RBM47: variants seen among roughly 807,000 people sequenced by gnomAD.
The protein encoded by RBM47 is RNA binding motif protein 47, also known as RNA-binding protein 47.
In RBM47, 21 loss-of-function variants were observed where a neutral mutation model predicts 47.1. The ratio of observed to expected loss-of-function variants is 0.45; its 90% CI spans 0.32 to 0.64. RBM47 has a LOEUF of 0.64. Among genes scored for constraint, RBM47 ranks in the 30% least tolerant of loss-of-function variants. The pLI, the probability that RBM47 is intolerant of heterozygous loss-of-function variation, is 0.05. For missense variants in RBM47, 708 were observed against 870.9 expected (o/e 0.81, Z 2.35); for synonymous variants, 375 against 361.7 (o/e 1.04, Z -0.42).
intron 2 of RBM47, among the ~76,000 whole-genome samples, chr4:40,532,637 CCTTTTTTTTTT>C (rs1313128474): frequency 6.8e-6 from 1 of 147,614 alleles, no homozygotes; most frequent in Non-Finnish European, 1.5e-5. Flanking sequence ...TATTCTTTTT[CCTTTTTTTTTT>C]CTTTTTAAAT....
At chr4:40,569,528 G>C (rs1011772218) in intron 1 of RBM47, among the ~76,000 whole-genome samples, 1 of 150,740 alleles carries the variant, frequency 6.6e-6, no homozygotes, top group African/African-American at 2.4e-5. Flanking sequence ...TCCTGCCTCA[G>C]CCTCCCGAGT....
At chr4:40,559,786 G>C (rs1009851313) in intron 1 of RBM47, among the ~76,000 whole-genome samples, 1 of 152,102 alleles carries the variant, frequency 6.6e-6, no homozygotes, top group Non-Finnish European at 1.5e-5. Flanking sequence ...ACTTGTTCCT[G>C]ATTTCTCAAC....
intron 2 of RBM47, among the ~76,000 whole-genome samples, chr4:40,529,695 G>A (rs1389253377): frequency 6.8e-6 from 1 of 146,262 alleles, no homozygotes; most frequent in Non-Finnish European, 1.5e-5. Flanking sequence ...CAGGTGTGGT[G>A]GCACACACCT....
chr4:40,441,304 G>A (rs1375967941), intron 3 of RBM47, among the ~76,000 whole-genome samples: 1 of 149,896 alleles, frequency 6.7e-6, no homozygotes, highest in Non-Finnish European at 1.5e-5. Context: ...TTAAAATAGA[G>A]ATAGAGTCTC....
Position 40,594,155 on chromosome 4 carries a change from G to A in RBM47, c.-240+35241C>T, listed in dbSNP as rs142271363. Among the ~76,000 whole-genome samples, 345 of 151,520 alleles carry A rather than the reference G, an allele frequency of 2.3e-3. 2 individuals carry two copies. Among genetic ancestry groups the A allele is most frequent in the African/African-American group, 7.5e-3 (310 of 41,234 alleles). ...CCACTTCAAATATGAAAATCTCCAC[G>A]CTGCCCTGTTTCCTCCACCAGCACT... On this transcript the variant is annotated intron_variant, in intron 1 of 6. Transcript: ENST00000295971.
chr4:40,489,904 C>T (rs746176229), intron 2 of RBM47, among the ~76,000 whole-genome samples: 44 of 152,192 alleles, frequency 2.9e-4, no homozygotes, highest in Admixed American at 5.2e-4. Context: ...TTTAAAAATA[C>T]ACAACTAAAT....
At chr4:40,471,514 C>A (rs1024074501) in intron 2 of RBM47, among the ~76,000 whole-genome samples, 3 of 151,830 alleles carry the variant, frequency 2.0e-5, no homozygotes, top group Non-Finnish European at 2.9e-5. Flanking sequence ...CCTGGCCAAC[C>A]TGGTGAAACC....
intron 1 of RBM47, among the ~76,000 whole-genome samples, chr4:40,627,472 G>C (rs1227083135): frequency 1.3e-5 from 2 of 152,170 alleles, no homozygotes; most frequent in Non-Finnish European, 2.9e-5. Flanking sequence ...AGAGACTTAA[G>C]ATGTGGAGGC....
intron 1 of RBM47, among the ~76,000 whole-genome samples, chr4:40,580,661 T>C (rs1347589335): frequency 6.6e-6 from 1 of 152,220 alleles, no homozygotes; most frequent in Admixed American, 6.5e-5. Flanking sequence ...TGAGCAAGTT[T>C]CCCATATCAT....
chr4:40,498,064 ATAT>A (rs1375959863), intron 2 of RBM47, among the ~76,000 whole-genome samples: 1 of 137,530 alleles, frequency 7.3e-6, no homozygotes, highest in East Asian at 2.3e-4. Context: ...TTATATATAT[ATAT>A]ATATATATAT....
At chr4:40,614,172 A>G (rs1736492808) in intron 1 of RBM47, among the ~76,000 whole-genome samples, 1 of 152,176 alleles carries the variant, frequency 6.6e-6, no homozygotes, top group Non-Finnish European at 1.5e-5. Context: ...TAAGATTTGG[A>G]ACGAGCCATC....
At chr4:40,527,436 A>ATTTTTTTTTTTT (rs60524903) in intron 2 of RBM47, among the ~76,000 whole-genome samples, 227 of 104,686 alleles carry the variant, frequency 2.2e-3, no homozygotes, top group Non-Finnish European at 2.4e-3. Context: ...ACACCTGGCA[A>ATTTTTTTTTTTT]TTTTTTTTTT....
intron 3 of RBM47, among the ~76,000 whole-genome samples, chr4:40,464,657 T>C (rs606013): frequency 0.19 from 29,459 of 151,184 alleles, 3,093 homozygotes; most frequent in East Asian, 0.43. Context: ...ACCAGCACTT[T>C]GGGAGGCCGA....
chr4:40,609,570 C>A (rs1736069513), intron 1 of RBM47, among the ~76,000 whole-genome samples: 6 of 152,004 alleles, frequency 3.9e-5, no homozygotes, highest in Admixed American at 3.9e-4. Context: ...GACTCAGCCT[C>A]CCAAAGTGCT....
intron 1 of RBM47, among the ~76,000 whole-genome samples, chr4:40,574,666 G>A (rs919191377): frequency 5.3e-5 from 8 of 152,112 alleles, no homozygotes; most frequent in African/African-American, 1.4e-4. Flanking sequence ...CCTGGCCAAC[G>A]TGGTGAAATC....
chr4:40,481,470 TA>T lies in RBM47; in HGVS notation c.-154-14772del, dbSNP rs1473475080. Among the ~76,000 whole-genome samples, 87 of 131,336 alleles carry T rather than the reference TA, an allele frequency of 6.6e-4. 1 individual carries two copies. Among genetic ancestry groups the T allele is most frequent in the African/African-American group, 1.9e-3 (70 of 37,538 alleles). The allele number at this position is 131,336 out of a possible 152,430, so 86.2% of individuals were successfully genotyped here. On this transcript the variant is annotated intron_variant, in intron 2 of 6. Coordinates refer to ENST00000295971, the MANE Select transcript of RBM47 (RefSeq NM_001098634.2). ...GTATTATTATTATTATTATTATTATTATTATTATTATTATTATTTTTATTTT... is the reference window on the plus strand; with the variant it reads ...GTATTATTATTATTATTATTATTATTTTATTATTATTATTATTTTTATTTT...
intron 6 of RBM47, among the ~76,000 whole-genome samples, chr4:40,431,052 A>T (rs1341374864): frequency 6.6e-6 from 1 of 152,140 alleles, no homozygotes; most frequent in East Asian, 1.9e-4. Flanking sequence ...AGCCTGGGTG[A>T]CAGAGTGAGA....
In RBM47 at chr4:40,511,879, G is replaced by A. The variant is rs1431471572; in HGVS notation, c.-155+32543C>T. The stretch of plus-strand genomic sequence containing the variant: ...GAACCTGGGAGGCACAGGTTACAGT[G>A]AGCCAAGATTGTGCCACTGCACTCC... On this transcript the variant is annotated intron_variant, in intron 2 of 6. Transcript: ENST00000295971. Among the ~76,000 whole-genome samples, 6 of 150,526 alleles carry A rather than the reference G, an allele frequency of 4.0e-5. No individual in the cohort carries two copies. In the East Asian group the frequency reaches 1.2e-3, roughly 29 times the overall value.
intron 3 of RBM47, among the ~76,000 whole-genome samples, chr4:40,461,188 T>C (rs1717090220): frequency 6.6e-6 from 1 of 152,162 alleles, no homozygotes; most frequent in African/African-American, 2.4e-5. Context: ...CTGGAACAAT[T>C]GTTGGCATTT....
Sources: allele counts gnomAD v4.1 joint callset (sites outside exome capture counted in the v4.1 genomes callset), GRCh38; gene constraint gnomAD v4.1.1; transcripts MANE v1.5; gene names NCBI Gene and HGNC (gene_info 2026-07-23, HGNC 2026-07-21).